FOXN3: variants seen among roughly 807,000 people sequenced by gnomAD.
FOXN3 encodes the protein forkhead box N3, also known as forkhead box protein N3.
In FOXN3, 7 loss-of-function variants were observed where a neutral mutation model predicts 38.4. That is an observed-to-expected ratio of 0.18 (90% confidence interval 0.10 to 0.34). The LOEUF is 0.34. FOXN3 is among the 10% of genes least tolerant of loss of function. The pLI is 1.00. For synonymous variants in FOXN3, 230 were observed against 242.2 expected, an observed-to-expected ratio of 0.95 and a Z score of 0.47; for missense variants, 456 against 613.4, an observed-to-expected ratio of 0.74 and a Z score of 2.71.
chr14:89,513,305 G>A (rs78614579), intron 1 of FOXN3, among the ~76,000 whole-genome samples: 2 of 151,538 alleles, frequency 1.3e-5, no homozygotes, highest in East Asian at 3.9e-4. Flanking sequence ...TCACTCTGTG[G>A]CCCAGGCTGG....
chr14:89,309,976 T>C (rs974883207), intron 3 of FOXN3, among the ~76,000 whole-genome samples: 6 of 152,206 alleles, frequency 3.9e-5, no homozygotes, highest in Admixed American at 6.5e-5. Context: ...CTCTTCTCTG[T>C]GTGAAAATAG....
chr14:89,555,958 GA>G (rs1191597983), intron 1 of FOXN3, among the ~76,000 whole-genome samples: 1 of 150,552 alleles, frequency 6.6e-6, no homozygotes, highest in Non-Finnish European at 1.5e-5. Context: ...TTAGATTGTA[GA>G]AAAGATTAGA....
rs2139774080 is a variant in FOXN3, at chr14:89,162,804, T to C, written c.1017A>G (p.Ser339=). ...TSDSISSSSS[S]ADDHYEFATK... is the part of the protein sequence containing the mutation. ...TGGCAAACTCATAGTGGTCGTCGGC[T>C]GAGGAGGAGGAGGAGGAGATGGAGT... The change falls in exon 6 of 6, where the codon TCA becomes TCG. Residue 339 remains serine, a synonymous_variant. Transcript: ENST00000557258. The surrounding 1 kb of genome is among the most constrained non-coding windows in gnomAD (Gnocchi z 7.2). 6.2e-7 allele frequency: 1 copy of C among 1,610,028 alleles called. No homozygotes were observed. The highest frequency in any genetic ancestry group is 1.1e-5 in the South Asian group (1 of 90,798).
chr14:89,439,657 CTT>C (rs35535565), intron 1 of FOXN3, among the ~76,000 whole-genome samples: 188 of 136,210 alleles, frequency 1.4e-3, no homozygotes, highest in African/African-American at 4.2e-3. Flanking sequence ...TCTTTTATTC[CTT>C]TTTTTTTTTT....
At chr14:89,192,852 C>T (rs1887996502) in intron 4 of FOXN3, among the ~76,000 whole-genome samples, 1 of 149,152 alleles carries the variant, frequency 6.7e-6, no homozygotes, top group Non-Finnish European at 1.5e-5. Context: ...AACCATTCAG[C>T]TAAAAAACTA....
chr14:89,222,687 C>A (rs757573956), intron 4 of FOXN3, among the ~76,000 whole-genome samples: 1 of 152,136 alleles, frequency 6.6e-6, no homozygotes, highest in Non-Finnish European at 1.5e-5. Flanking sequence ...CCTTCCCACC[C>A]AAATTCACCT....
intron 2 of FOXN3, among the ~76,000 whole-genome samples, chr14:89,369,546 ATTTT>A (rs35049896): frequency 1.9e-4 from 28 of 150,190 alleles, no homozygotes; most frequent in Non-Finnish European, 2.4e-4. Context: ...AGACTGGGTA[ATTTT>A]TTTTTTTTTT....
intron 2 of FOXN3, among the ~76,000 whole-genome samples, chr14:89,392,467 A>G (rs1160161091): frequency 6.6e-6 from 1 of 152,172 alleles, no homozygotes; most frequent in Non-Finnish European, 1.5e-5. Context: ...CCTAAAATCC[A>G]GGTGTCAGCA....
intron 4 of FOXN3, among the ~76,000 whole-genome samples, chr14:89,280,533 T>C (rs747211247): frequency 1.1e-4 from 17 of 152,164 alleles, no homozygotes; most frequent in Non-Finnish European, 1.8e-4. Flanking sequence ...ACCTCCATGA[T>C]GATACAAGTG....
chr14:89,597,905 A>G (rs937753893), intron 1 of FOXN3, among the ~76,000 whole-genome samples: 2 of 152,132 alleles, frequency 1.3e-5, no homozygotes, highest in Non-Finnish European at 2.9e-5. Flanking sequence ...GTCTATTTAT[A>G]TTTAATATAA....
At position 89,216,106 on chromosome 14, in the gene FOXN3, T is replaced by A. The variant is rs143436441; in HGVS notation, c.746-35300A>T. On this transcript the variant is annotated intron_variant, in intron 4 of 5. Transcript: ENST00000557258. ...CCTATGGGGCTACAGGTGCCTAGGC[T>A]GATGTATCCTAGTGATAGGAAAGTT... Among the ~76,000 whole-genome samples, 1,009 of 152,262 alleles carry A rather than the reference T, an allele frequency of 6.6e-3. 25 individuals carry two copies. The East Asian group carries it at 0.07, about 11-fold the overall frequency.
At chr14:89,357,241 T>C (rs1889266335) in intron 2 of FOXN3, among the ~76,000 whole-genome samples, 2 of 151,980 alleles carry the variant, frequency 1.3e-5, no homozygotes, top group Admixed American at 6.6e-5. Flanking sequence ...GGAGTTGAGG[T>C]TACAGTGAGC....
chr14:89,225,768 G>GA (rs1884617864), intron 4 of FOXN3, among the ~76,000 whole-genome samples: 1 of 152,086 alleles, frequency 6.6e-6, no homozygotes, highest in Non-Finnish European at 1.5e-5. Flanking sequence ...TTACTAACTG[G>GA]AAACTCAGCT....
intron 1 of FOXN3, among the ~76,000 whole-genome samples, chr14:89,554,991 ATG>A (rs1300789481): frequency 6.6e-6 from 1 of 151,922 alleles, no homozygotes; most frequent in East Asian, 1.9e-4. Flanking sequence ...GGGTTTCACC[ATG>A]TTGGTCAGGC....
intron 3 of FOXN3, among the ~76,000 whole-genome samples, chr14:89,325,326 C>G (rs1888038686): frequency 3.0e-5 from 4 of 132,418 alleles, no homozygotes; most frequent in South Asian, 2.3e-4. Context: ...CCACCACCAC[C>G]ACCACCACCA....
At chr14:89,287,387 A>T (rs977562676) in intron 3 of FOXN3, among the ~76,000 whole-genome samples, 2 of 152,054 alleles carry the variant, frequency 1.3e-5, no homozygotes, top group Non-Finnish European at 2.9e-5. Flanking sequence ...CCTGACCTCA[A>T]GTGATCCTCC....
At chr14:89,401,165 G>C (rs1891233116) in intron 2 of FOXN3, among the ~76,000 whole-genome samples, 1 of 152,230 alleles carries the variant, frequency 6.6e-6, no homozygotes, top group East Asian at 1.9e-4. Context: ...CTAGGGGCCA[G>C]ACATAATGGC....
intron 3 of FOXN3, among the ~76,000 whole-genome samples, chr14:89,307,705 C>A (rs527421995): frequency 7.2e-5 from 11 of 152,074 alleles, no homozygotes; most frequent in Non-Finnish European, 1.6e-4. Context: ...CATCCTATTA[C>A]AACCCATAGT....
chr14:89,207,422 T>C (rs541395436), intron 4 of FOXN3, among the ~76,000 whole-genome samples: 12 of 152,210 alleles, frequency 7.9e-5, no homozygotes, highest in Admixed American at 2.0e-4. Flanking sequence ...CTGTTAACAC[T>C]ATAAGGTGTG....
Sources: gnomAD v4.1 joint callset for allele counts (sites outside exome capture counted in the v4.1 genomes callset) on GRCh38, gnomAD v4.1.1 for gene constraint, Gnocchi (gnomAD v3.1) non-coding constraint, MANE v1.5 for transcripts, NCBI Gene and HGNC (gene_info 2026-07-23, HGNC 2026-07-21) for gene names.